PREX2: variants seen among roughly 807,000 people sequenced by gnomAD.
PREX2 encodes the protein phosphatidylinositol 3,4,5-trisphosphate-dependent Rac exchanger 2 protein.
PREX2 carries 107 observed loss-of-function variants against 203.2 expected under a neutral mutation model. The observed-to-expected ratio is 0.53, with a 90% confidence interval of 0.45 to 0.62. The LOEUF (loss-of-function observed/expected upper bound fraction) is 0.62. PREX2 is among the 20% of genes least tolerant of loss of function. PREX2 has a pLI of 0.00. For missense variants in PREX2, 1,777 were observed against 1,955.9 expected (o/e 0.91, Z 1.72); for synonymous variants, 672 against 663.6 (o/e 1.01, Z -0.19).
intron 26 of PREX2, among the ~76,000 whole-genome samples, chr8:68,117,816 T>C (rs946245329): frequency 5.3e-5 from 8 of 152,172 alleles, no homozygotes; most frequent in Non-Finnish European, 8.8e-5. Flanking sequence ...TTTCCTGTCC[T>C]CCCTAAGGAA....
intron 1 of PREX2, among the ~76,000 whole-genome samples, chr8:67,968,678 A>G (rs2129018603): frequency 6.6e-6 from 1 of 152,300 alleles, no homozygotes; most frequent in African/African-American, 2.4e-5. Flanking sequence ...GAAAGTTGAA[A>G]TCTTTCGCAT....
chr8:68,226,437 G>T (rs540170167), intron 39 of PREX2, among the ~76,000 whole-genome samples: 4 of 152,166 alleles, frequency 2.6e-5, no homozygotes, highest in African/African-American at 7.2e-5. Context: ...CAGCCCCAAA[G>T]ACAGTGAGTT....
At chr8:67,968,907 A>G (rs562874847) in intron 1 of PREX2, among the ~76,000 whole-genome samples, 1 of 152,344 alleles carries the variant, frequency 6.6e-6, no homozygotes, top group East Asian at 1.9e-4. Context: ...AGACTTGCCT[A>G]AGGAAATAAT....
At chr8:68,100,174 A>G (rs1441789739) in intron 23 of PREX2, 2 of 477,888 alleles carry the variant, frequency 4.2e-6, no homozygotes, top group South Asian at 1.5e-5. Flanking sequence ...ATTATACTAT[A>G]GTTCTTCTTT....
chr8:68,029,878 A>C (rs558577383), intron 5 of PREX2, among the ~76,000 whole-genome samples: 5 of 152,264 alleles, frequency 3.3e-5, no homozygotes, highest in Admixed American at 1.3e-4. Flanking sequence ...ACAAAAAAGG[A>C]AGCTATTGAG....
chr8:68,133,297 T>C (rs908322332), intron 31 of PREX2, among the ~76,000 whole-genome samples: 3 of 152,108 alleles, frequency 2.0e-5, no homozygotes, highest in Admixed American at 6.6e-5. Flanking sequence ...CCTCAACACC[T>C]GGGGATTACA....
chr8:68,160,820 A>G (rs1811639042), intron 35 of PREX2, among the ~76,000 whole-genome samples: 1 of 152,166 alleles, frequency 6.6e-6, no homozygotes, highest in East Asian at 1.9e-4. Flanking sequence ...CCTAATAAAG[A>G]CAGTATGAGA....
intron 1 of PREX2, among the ~76,000 whole-genome samples, chr8:68,014,689 T>C (rs1015245921): frequency 1.3e-5 from 2 of 152,142 alleles, no homozygotes; most frequent in African/African-American, 4.8e-5. Flanking sequence ...GAATTGAAAG[T>C]CAAAGTGAAA....
intron 1 of PREX2, among the ~76,000 whole-genome samples, chr8:67,991,110 C>G (rs1400792041): frequency 1.3e-5 from 2 of 152,164 alleles, no homozygotes; most frequent in Non-Finnish European, 2.9e-5. Flanking sequence ...GGGCTATATG[C>G]TTGATTTTAG....
intron 25 of PREX2, among the ~76,000 whole-genome samples, chr8:68,111,997 G>T (rs1810545614): frequency 6.6e-6 from 1 of 152,126 alleles, no homozygotes; most frequent in Non-Finnish European, 1.5e-5. Flanking sequence ...CCTGTGAAAG[G>T]TCCTGGGGTT....
At chr8:68,197,448 T>C (rs552362397) in intron 37 of PREX2, among the ~76,000 whole-genome samples, 60 of 152,226 alleles carry the variant, frequency 3.9e-4, no homozygotes, top group African/African-American at 1.4e-3. Context: ...CCTGCCATGA[T>C]TGTAAGTTTT....
chr8:68,097,755 G>T (rs1466905821), intron 22 of PREX2, among the ~76,000 whole-genome samples: 1 of 152,174 alleles, frequency 6.6e-6, no homozygotes, highest in Non-Finnish European at 1.5e-5. Context: ...CATTGATATG[G>T]CAAAGACTTC....
chr8:68,122,314 G>A (rs370713341), intron 30 of PREX2, among the ~76,000 whole-genome samples: 5 of 152,110 alleles, frequency 3.3e-5, no homozygotes, highest in East Asian at 3.9e-4. Context: ...CGATAAAATC[G>A]TGTATTTGAC....
chr8:68,008,596 CAAGTT>C (rs5892126), intron 1 of PREX2, among the ~76,000 whole-genome samples: 67,210 of 151,622 alleles, frequency 0.44, 18,541 homozygotes, highest in African/African-American at 0.79. Context: ...AAGTTGGAGA[CAAGTT>C]AATATGGTTT....
intron 8 of PREX2, among the ~76,000 whole-genome samples, chr8:68,047,514 C>CATAT (rs1182364304): frequency 1.1e-5 from 1 of 94,238 alleles, no homozygotes; most frequent in South Asian, 3.3e-4. Context: ...TATACACATA[C>CATAT]ATATATATAT....
At chr8:68,231,192 G>C (rs551913191) in intron 39 of PREX2, 141 bp from the exon 40 acceptor site, 5 of 549,408 alleles carry the variant, frequency 9.1e-6, no homozygotes, top group South Asian at 5.7e-5. Context: ...CAATTCATAT[G>C]TTATTTTTAG....
chr8:68,123,013 A>G (rs1015696413), intron 30 of PREX2, among the ~76,000 whole-genome samples: 3 of 152,060 alleles, frequency 2.0e-5, no homozygotes, highest in Non-Finnish European at 2.9e-5. Flanking sequence ...GTAGATGTCT[A>G]TCAGGACCAT....
At position 68,138,452 on chromosome 8, in the gene PREX2, C is replaced by T. The variant is rs777245756; in HGVS notation, c.4022C>T (p.Ala1341Val). 3.1e-6 allele frequency: 5 copies of T among 1,604,538 alleles called. No homozygotes were observed. Among genetic ancestry groups the T allele is most frequent in the Admixed American group, 3.4e-5 (2 of 59,298 alleles). ...GCCATGTTAGAAGATACACTGGTTG[C>T]ACTATTTGATTTGGAAAAGGTTTCC... The part of the protein sequence containing the change: ...EQAMLEDTLV[A>V]LFDLEKVSFY... The change falls in exon 33 of 40, where the codon GCA (alanine) becomes GTA (valine). Residue 1341 changes from alanine to valine, a missense_variant. Coordinates refer to ENST00000288368, the MANE Select transcript of PREX2 (RefSeq NM_024870.4).
At chr8:67,956,195 G>A (rs1229194965) in intron 1 of PREX2, among the ~76,000 whole-genome samples, 1 of 152,188 alleles carries the variant, frequency 6.6e-6, no homozygotes, top group East Asian at 1.9e-4. Flanking sequence ...ATGATTACAT[G>A]AACCTGACAT....
Sources: allele counts gnomAD v4.1 joint callset (sites outside exome capture counted in the v4.1 genomes callset), GRCh38; gene constraint gnomAD v4.1.1; transcripts MANE v1.5; gene names NCBI Gene and HGNC (gene_info 2026-07-23, HGNC 2026-07-21).